MPRIP: variants seen among roughly 807,000 people sequenced by gnomAD.
MPRIP encodes myosin phosphatase Rho-interacting protein.
In MPRIP, 59 loss-of-function variants were observed where a neutral mutation model predicts 234.9. The ratio of observed to expected loss-of-function variants is 0.25; its 90% CI spans 0.20 to 0.31. The LOEUF is 0.31. MPRIP is among the 10% of genes least tolerant of loss of function. The pLI is 1.00. For missense variants in MPRIP, 2,436 were observed against 3,071.0 expected (o/e 0.79, Z 4.89); for synonymous variants, 1,144 against 1,263.9 (o/e 0.91, Z 2.01).
intron 3 of MPRIP, among the ~76,000 whole-genome samples, chr17:17,079,394 G>C (rs2089410890): frequency 6.6e-6 from 1 of 152,192 alleles, no homozygotes; most frequent in South Asian, 2.1e-4. Context: ...TGTGGACTTG[G>C]CTGGAAGTAG....
In MPRIP at chr17:17,161,368, G is replaced by A. The variant is rs1293127382; in HGVS notation, c.2517+12G>A. 3 of 1,543,248 alleles carry A rather than the reference G, an allele frequency of 1.9e-6. No individual in the cohort carries two copies. The African/African-American group carries it at 4.1e-5, about 21-fold the overall frequency. On this transcript the variant is annotated intron_variant, in intron 15 of 23. Coordinates refer to ENST00000651222, the MANE Select transcript of MPRIP (RefSeq NM_001364716.4). The stretch of plus-strand genomic sequence containing the variant: ...GCTACGTGCTGCAGGTAGGGTGGAG[G>A]GGCTGCTGTGGCCCATGGTGCGCTC...
intron 3 of MPRIP, among the ~76,000 whole-genome samples, chr17:17,091,014 G>A (rs989934287): frequency 1.3e-5 from 2 of 151,850 alleles, no homozygotes; most frequent in Non-Finnish European, 2.9e-5. Flanking sequence ...GGAGCGTGCC[G>A]GCCACAGGGG....
intron 2 of MPRIP, 63 bp from the exon 3 acceptor site, chr17:17,077,948 G>A (rs2089373357): frequency 9.6e-6 from 15 of 1,561,066 alleles, no homozygotes; most frequent in Non-Finnish European, 1.3e-5. Context: ...GGGAACTCCA[G>A]AAGCCAAGCT....
intron 3 of MPRIP, among the ~76,000 whole-genome samples, chr17:17,087,606 C>T (rs2089620516): frequency 6.6e-6 from 1 of 152,180 alleles, no homozygotes; most frequent in Non-Finnish European, 1.5e-5. Context: ...TCCCTGTGTT[C>T]CTAACCCGAG....
At chr17:17,155,541 G>A (rs2045709986) in intron 13 of MPRIP, among the ~76,000 whole-genome samples, 1 of 152,202 alleles carries the variant, frequency 6.6e-6, no homozygotes, top group East Asian at 1.9e-4. Context: ...ACCACAGCCG[G>A]CCTAAAGGCA....
intron 1 of MPRIP, among the ~76,000 whole-genome samples, chr17:17,053,161 C>T (rs2088592951): frequency 2.0e-5 from 3 of 151,914 alleles, no homozygotes; most frequent in African/African-American, 7.3e-5. Context: ...CCTGCTCTGA[C>T]CTAGAAATCT....
intron 16 of MPRIP, chr17:17,171,466 C>G (rs1342153155): frequency 2.3e-6 from 1 of 439,542 alleles, no homozygotes; most frequent in East Asian, 4.0e-5. Context: ...AGAAATGGGG[C>G]ACAGTACAGT....
At chr17:17,068,213 C>T (rs576653328) in intron 1 of MPRIP, among the ~76,000 whole-genome samples, 9 of 152,036 alleles carry the variant, frequency 5.9e-5, no homozygotes, top group East Asian at 3.9e-4. Context: ...TGCAGTGGAG[C>T]GATCTCGGCT....
At chr17:17,092,244 T>C (rs147860759) in intron 3 of MPRIP, among the ~76,000 whole-genome samples, 5 of 152,374 alleles carry the variant, frequency 3.3e-5, no homozygotes, top group East Asian at 1.9e-4. Context: ...ATCATCCATG[T>C]GGCCAGACTT....
intron 1 of MPRIP, among the ~76,000 whole-genome samples, chr17:17,053,248 A>T (rs2088595618): frequency 6.6e-6 from 1 of 152,110 alleles, no homozygotes; most frequent in Non-Finnish European, 1.5e-5. Context: ...TTGAGTTTCC[A>T]TTCTAGCTCC....
chr17:17,163,361 C>T (rs2045913981), intron 15 of MPRIP, among the ~76,000 whole-genome samples: 1 of 152,198 alleles, frequency 6.6e-6, no homozygotes, highest in Non-Finnish European at 1.5e-5. Flanking sequence ...TCTGTCTCTG[C>T]ATGCCTTTCA....
At chr17:17,117,666 A>G (rs1324951700) in intron 3 of MPRIP, among the ~76,000 whole-genome samples, 1 of 152,214 alleles carries the variant, frequency 6.6e-6, no homozygotes, top group South Asian at 2.1e-4. Context: ...TTATGCTGCT[A>G]CGATATGATT....
chr17:17,138,013 G>A lies in MPRIP; in HGVS notation c.834G>A (p.Lys278=). 1.9e-6 allele frequency: 3 copies of A among 1,612,174 alleles called. No homozygotes were observed. Among genetic ancestry groups the A allele is most frequent in the Admixed American group, 1.7e-5 (1 of 59,916 alleles). Residue 278 remains lysine, a synonymous_variant, in exon 7 of 24, where the codon AAG becomes AAA. Coordinates refer to ENST00000651222, the MANE Select transcript of MPRIP (RefSeq NM_001364716.4). This position sits in a 1 kb window ranked among gnomAD's most constrained non-coding sequence, Gnocchi z 5.8. ...FSLEKTKQDL[K]AEEQQLPPPL... ...TGGAGAAGACCAAACAGGACTTGAA[G>A]GCTGAAGAACAGCAGCTGCCCCCGC...
chr17:17,051,886 G>C (rs2088552886), intron 1 of MPRIP, among the ~76,000 whole-genome samples: 1 of 152,256 alleles, frequency 6.6e-6, no homozygotes, highest in African/African-American at 2.4e-5. Flanking sequence ...TTCCCCTTGG[G>C]CGCAGCTTGG....
intron 3 of MPRIP, among the ~76,000 whole-genome samples, chr17:17,087,123 A>C (rs969613409): frequency 1.3e-5 from 2 of 152,188 alleles, no homozygotes; most frequent in Non-Finnish European, 2.9e-5. Flanking sequence ...AAGGTTAATC[A>C]TGGGACTGTG....
intron 1 of MPRIP, among the ~76,000 whole-genome samples, chr17:17,059,232 G>C (rs1353300308): frequency 6.6e-6 from 1 of 152,172 alleles, no homozygotes; most frequent in Non-Finnish European, 1.5e-5. Flanking sequence ...AAAGACAGCT[G>C]GGTTCTCAGA....
rs750228252 is a variant in MPRIP, at chr17:17,136,251, C to T, written c.537C>T (p.Ser179=). 1.5e-5 allele frequency: 7 copies of T among 451,960 alleles called. No individual in the cohort carries two copies. Among genetic ancestry groups the T allele is most frequent in the African/African-American group, 1.5e-4 (2 of 13,686 alleles). 28.0% of individuals were successfully genotyped at this position (451,960 alleles called of 1,614,324 possible). A position where few individuals can be genotyped will look rare whatever the true frequency, so the allele number is the denominator to read the frequency against. Residue 179 remains serine (S), a synonymous_variant, in exon 6 of 24, where the codon AGC becomes AGT. Coordinates refer to ENST00000651222, the MANE Select transcript of MPRIP (RefSeq NM_001364716.4). The part of the protein sequence containing the change: ...EPGPAKVAVT[S]SSSSSSSSSS... ...GGCCTGCCAAGGTGGCTGTTACCAG[C>T]AGCAGCAGCAGCAGCAGCAGCAGCA...
chr17:17,177,561 C>G, intron 22 of MPRIP, 149 bp downstream of exon 22: 1 of 842,388 alleles, frequency 1.2e-6, no homozygotes, highest in Non-Finnish European at 1.8e-6. Context: ...GCACCAGCTT[C>G]ACACGGCTGC....
chr17:17,191,990 C>T lies in MPRIP; in HGVS notation c.*7096C>T, dbSNP rs2046595409. 1 of 152,176 alleles carries T rather than the reference C, an allele frequency of 6.6e-6. No individual in the cohort carries two copies. Among genetic ancestry groups the T allele is most frequent in the Non-Finnish European group, 1.5e-5 (1 of 68,032 alleles). The allele number at this position is 152,176 out of a possible 1,614,324, so 9.4% of individuals were successfully genotyped here. On this transcript the variant is annotated 3_prime_UTR_variant, in exon 24 of 24. Coordinates refer to ENST00000651222, the MANE Select transcript of MPRIP (RefSeq NM_001364716.4). ...TAAAAGGTAGAAAGCATCCAAGTGG[C>T]TCCTCAACAATTACAATTCTTAATG...
Sources: gnomAD v4.1 joint callset for allele counts (sites outside exome capture counted in the v4.1 genomes callset) on GRCh38, gnomAD v4.1.1 for gene constraint, Gnocchi (gnomAD v3.1) non-coding constraint, MANE v1.5 for transcripts, NCBI Gene and HGNC (gene_info 2026-07-23, HGNC 2026-07-21) for gene names.